The following OSBPL9 variants were observed in gnomAD, a reference collection of about 807,000 sequenced individuals.
OSBPL9 encodes oxysterol binding protein like 9, also known as oxysterol-binding protein-related protein 9.
OSBPL9 carries 40 observed loss-of-function variants against 106.6 expected under a neutral mutation model. The observed-to-expected ratio is 0.38, with a 90% CI of 0.29 to 0.49. The LOEUF is 0.49. OSBPL9 is among the 20% of genes least tolerant of loss of function. OSBPL9 has a pLI of 0.97. For synonymous variants in OSBPL9, 269 were observed against 295.4 expected, an observed-to-expected ratio of 0.91 and a Z score of 0.92; for missense variants, 609 against 887.2, an observed-to-expected ratio of 0.69 and a Z score of 3.98.
intron 11 of OSBPL9, among the ~76,000 whole-genome samples, chr1:51,763,087 C>T (rs2149074647): frequency 6.6e-6 from 1 of 152,192 alleles, no homozygotes; most frequent in East Asian, 1.9e-4. Flanking sequence ...CTCACTGCAC[C>T]CTCCACTTCC....
At chr1:51,687,638 A>C (rs1654093961) in intron 3 of OSBPL9, among the ~76,000 whole-genome samples, 2 of 152,322 alleles carry the variant, frequency 1.3e-5, no homozygotes, top group South Asian at 4.1e-4. Context: ...CCGTGTATGC[A>C]CAAGCTTGGA....
chr1:51,692,305 C>T (rs1192186547), intron 3 of OSBPL9, among the ~76,000 whole-genome samples: 5 of 152,088 alleles, frequency 3.3e-5, no homozygotes, highest in Non-Finnish European at 7.3e-5. Flanking sequence ...AGAGTAAGAC[C>T]TCGTCTGAAA....
chr1:51,546,622 G>A, the OSBPL9 span, among the ~76,000 whole-genome samples: 7 of 151,766 alleles, frequency 4.6e-5, no homozygotes, highest in Admixed American at 3.3e-4. Context: ...GCATGAACCC[G>A]GGAGGCGGAG....
Position 51,603,265 on chromosome 1 carries a change from A to G in OSBPL9, c.-353+5072A>G, listed in dbSNP as rs1264883785. 3.9e-5 allele frequency among the ~76,000 whole-genome samples: 6 copies of G among 152,384 alleles called. No homozygotes were observed. The South Asian group carries it at 6.2e-4, about 16-fold the overall frequency. On this transcript the variant is annotated intron_variant, in intron 2 of 25. Coordinates refer to the OSBPL9 transcript ENST00000371714. ...AAGTTCCTGCTTTTGTTAACTAGCA[A>G]TATAATCAAGAAAACAAGTTATGTG...
In OSBPL9 at chr1:51,788,018, T is replaced by A; in HGVS notation, c.*229T>A. On this transcript the variant is annotated 3_prime_UTR_variant, in exon 24 of 24. Transcript: ENST00000428468. The stretch of plus-strand genomic sequence containing the variant: ...TTCAGTCCTGAGAAAAACTTCAGGT[T>A]TTGAAAATCAGATGATGTCTTCTCC... 1 of 502,408 alleles carries A rather than the reference T, an allele frequency of 2.0e-6. No homozygotes were observed. The highest frequency in any genetic ancestry group is 3.5e-6 in the Non-Finnish European group (1 of 282,998). 31.1% of individuals were successfully genotyped at this position (502,408 alleles called of 1,614,324 possible). A position where few individuals can be genotyped will look rare whatever the true frequency, so the allele number is the denominator to read the frequency against.
chr1:51,578,679 A>T (rs150819579), intron 1 of OSBPL9, among the ~76,000 whole-genome samples: 27 of 152,336 alleles, frequency 1.8e-4, no homozygotes, highest in Admixed American at 3.3e-4. Context: ...TTTCTTCAAG[A>T]AACGCTTATT....
chr1:51,639,220 C>G (rs1645626502), intron 1 of OSBPL9, among the ~76,000 whole-genome samples: 1 of 152,154 alleles, frequency 6.6e-6, no homozygotes, highest in Admixed American at 6.5e-5. Flanking sequence ...TCCTGTCTGT[C>G]CCATGCCCTA....
chr1:51,617,645 C>T (rs1316609321), intron 1 of OSBPL9, among the ~76,000 whole-genome samples: 1 of 152,130 alleles, frequency 6.6e-6, no homozygotes, highest in Non-Finnish European at 1.5e-5. Context: ...TAGCTTCCCT[C>T]CAGGGATTGA....
intron 4 of OSBPL9, among the ~76,000 whole-genome samples, chr1:51,741,917 A>G (rs1200098124): frequency 6.6e-6 from 1 of 152,208 alleles, no homozygotes; most frequent in African/African-American, 2.4e-5. Context: ...CTGAGTGCCA[A>G]TAATGCGACA....
the OSBPL9 span, among the ~76,000 whole-genome samples, chr1:51,522,147 AT>A: frequency 1.3e-5 from 2 of 152,210 alleles, no homozygotes; most frequent in Non-Finnish European, 2.9e-5. Flanking sequence ...TATAATTGTT[AT>A]TTGGATCTTC....
chr1:51,608,693 C>A (rs2148605530), intron 2 of OSBPL9, among the ~76,000 whole-genome samples: 1 of 151,050 alleles, frequency 6.6e-6, no homozygotes, highest in Non-Finnish European at 1.5e-5. Flanking sequence ...GGGGGGCTTT[C>A]CTGCCCTGCT....
chr1:51,680,217 T>A (rs1571022364), intron 3 of OSBPL9, among the ~76,000 whole-genome samples: 1 of 151,994 alleles, frequency 6.6e-6, no homozygotes, highest in East Asian at 1.9e-4. Context: ...ATCTTGTCAC[T>A]GCACTCCAGC....
the OSBPL9 span, among the ~76,000 whole-genome samples, chr1:51,530,697 TA>T: frequency 8.3e-5 from 12 of 144,608 alleles, no homozygotes; most frequent in Non-Finnish European, 4.6e-5. Context: ...ACCCTGTCTG[TA>T]AAAAAAATTA....
rs1022317514 is a variant in OSBPL9, at chr1:51,656,526, C to T, written c.162+4485C>T. Among the ~76,000 whole-genome samples, 5 of 152,108 alleles carry T rather than the reference C, an allele frequency of 3.3e-5. No individual in the cohort carries two copies. The South Asian group carries it at 1.0e-3, about 32-fold the overall frequency. Reference sequence around the variant, plus strand: ...TGCACCCCCTATCTGATGAGCTCATCGCTTAAGAGACTTTTCAAATGTTAC... The same window carrying T: ...TGCACCCCCTATCTGATGAGCTCATTGCTTAAGAGACTTTTCAAATGTTAC... On this transcript the variant is annotated intron_variant, in intron 2 of 23. Coordinates refer to ENST00000428468, the MANE Select transcript of OSBPL9 (RefSeq NM_024586.6).
chr1:51,732,297 T>C (rs559356410), intron 4 of OSBPL9, among the ~76,000 whole-genome samples: 1 of 152,244 alleles, frequency 6.6e-6, no homozygotes, highest in South Asian at 2.1e-4. Context: ...TCCCCTGGGG[T>C]ATGTTGAGTT....
chr1:51,702,759 T>G (rs1657585039), intron 3 of OSBPL9, among the ~76,000 whole-genome samples: 1 of 152,166 alleles, frequency 6.6e-6, no homozygotes, highest in African/African-American at 2.4e-5. Flanking sequence ...TTTTCTTCTG[T>G]GGTTTTTATG....
chr1:51,733,531 T>C (rs1307308987), intron 4 of OSBPL9, among the ~76,000 whole-genome samples: 1 of 152,044 alleles, frequency 6.6e-6, no homozygotes, highest in African/African-American at 2.4e-5. Context: ...TCCTAGCACT[T>C]TGGGAGGCCC....
At chr1:51,553,110 A>G in the OSBPL9 span, among the ~76,000 whole-genome samples, 14 of 152,040 alleles carry the variant, frequency 9.2e-5, no homozygotes, top group Admixed American at 9.2e-4. Flanking sequence ...ATCTGGATAG[A>G]GCTTGTCAGG....
chr1:51,774,387 A>G (rs1674603605), intron 14 of OSBPL9, among the ~76,000 whole-genome samples: 1 of 152,132 alleles, frequency 6.6e-6, no homozygotes, highest in South Asian at 2.1e-4. Flanking sequence ...TGAAATTTTT[A>G]TTGGCACAAA....
Sources: allele counts gnomAD v4.1 joint callset (sites outside exome capture counted in the v4.1 genomes callset), GRCh38; gene constraint gnomAD v4.1.1; transcripts MANE v1.5; gene names NCBI Gene and HGNC (gene_info 2026-07-23, HGNC 2026-07-21).